The following SECISBP2 variants were observed in gnomAD, a reference collection of about 807,000 sequenced individuals.
SECISBP2 encodes SECIS binding protein 2, also known as selenocysteine insertion sequence-binding protein 2.
In SECISBP2, 96 loss-of-function variants were observed where a neutral mutation model predicts 98.2. The observed-to-expected ratio is 0.98, with a 90% CI of 0.83 to 1.16. SECISBP2 has a LOEUF of 1.16. Among genes scored for constraint, SECISBP2 ranks in the 50% most tolerant of loss-of-function variants. SECISBP2 has a pLI of 0.00. For synonymous variants in SECISBP2, 407 were observed against 370.2 expected, an observed-to-expected ratio of 1.10 and a Z score of -1.14; for missense variants, 1,046 against 1,022.9, an observed-to-expected ratio of 1.02 and a Z score of -0.31.
At chr9:89,350,061 C>A in intron 13 of SECISBP2, 132 bp downstream of exon 13, 1 of 1,054,210 alleles carries the variant, frequency 9.5e-7, no homozygotes, top group Non-Finnish European at 1.4e-6. Flanking sequence ...TTGAAAGAAG[C>A]TGGGTACCTG....
chr9:89,345,500 G>A lies in SECISBP2; in HGVS notation c.1436-1382G>A, dbSNP rs143960354. 2.5e-3 allele frequency among the ~76,000 whole-genome samples: 386 copies of A among 152,266 alleles called. 2 individuals carry two copies. The highest frequency in any genetic ancestry group is 8.8e-3 in the African/African-American group (366 of 41,550). Reference sequence around the variant, plus strand: ...TCATCTTAAGGAGTAAGCACTCTTCGGTTTGTTGGAACCCTTTGGTCACTT... The same window carrying A: ...TCATCTTAAGGAGTAAGCACTCTTCAGTTTGTTGGAACCCTTTGGTCACTT... On this transcript the variant is annotated intron_variant, in intron 10 of 16. Coordinates refer to ENST00000375807, the MANE Select transcript of SECISBP2 (RefSeq NM_024077.5).
chr9:89,338,505 AAAGAAT>A lies in SECISBP2; in HGVS notation c.1143_1148del (p.Asn381_Lys382del). On this transcript the variant is annotated inframe_deletion, in exon 8 of 17. Coordinates refer to ENST00000375807, the MANE Select transcript of SECISBP2 (RefSeq NM_024077.5). The stretch of plus-strand genomic sequence containing the variant: ...ACCTTGAACAAAATGAAGCCTCAAG[AAAGAAT>A]AAGAAAAAGAAAGAAAAATCTACAT... 6.2e-7 allele frequency: 1 copy of A among 1,613,554 alleles called. No homozygotes were observed. Among genetic ancestry groups the A allele is most frequent in the Non-Finnish European group, 8.5e-7 (1 of 1,179,866 alleles).
chr9:89,351,454 T>C (rs982972021), intron 14 of SECISBP2, among the ~76,000 whole-genome samples: 4 of 152,162 alleles, frequency 2.6e-5, no homozygotes, highest in African/African-American at 9.7e-5. Flanking sequence ...TGTTGTGTCC[T>C]CGAATTGAGC....
intron 14 of SECISBP2, chr9:89,355,060 G>A (rs1831862736): frequency 1.0e-6 from 1 of 985,270 alleles, no homozygotes; most frequent in African/African-American, 1.7e-5. Context: ...CAGGGGCAGG[G>A]TGTGGGCAGA....
intron 6 of SECISBP2, chr9:89,334,186 C>G (rs905950603): frequency 5.9e-6 from 7 of 1,184,922 alleles, no homozygotes; most frequent in Middle Eastern, 3.7e-4. Flanking sequence ...ATCTTTAGTT[C>G]GTTAATTCTG....
chr9:89,352,042 C>G (rs1431286773), intron 14 of SECISBP2, among the ~76,000 whole-genome samples: 1 of 152,194 alleles, frequency 6.6e-6, no homozygotes, highest in African/African-American at 2.4e-5. Context: ...GGCTTGTGAG[C>G]AACTGCTTCA....
chr9:89,319,379 A>G (rs552069689), intron 1 of SECISBP2, among the ~76,000 whole-genome samples: 1 of 152,250 alleles, frequency 6.6e-6, no homozygotes, highest in South Asian at 2.1e-4. Flanking sequence ...CCTTATTCCA[A>G]GATCTAAACT....
intron 9 of SECISBP2, 94 bp from the exon 10 acceptor site, chr9:89,341,253 T>A (rs1293368144): frequency 4.0e-6 from 5 of 1,257,066 alleles, no homozygotes; most frequent in Non-Finnish European, 5.6e-6. Context: ...ATAGTCTCAA[T>A]CTTTTTCATT....
chr9:89,324,882 C>T (rs2131584604), intron 2 of SECISBP2: 1 of 157,120 alleles, frequency 6.4e-6, no homozygotes, highest in Admixed American at 6.1e-5. Flanking sequence ...GAGGCAATAG[C>T]AACCTTCAAA....
intron 10 of SECISBP2, among the ~76,000 whole-genome samples, chr9:89,341,967 A>AT (rs1028818324): frequency 6.6e-6 from 1 of 152,218 alleles, no homozygotes; most frequent in African/African-American, 2.4e-5. Flanking sequence ...AAAATTAAAA[A>AT]TTTTTGCATA....
At chr9:89,367,051 G>A in the SECISBP2 span, 3,800 of 152,546 alleles carry the variant, frequency 0.025, 158 homozygotes, top group East Asian at 0.16. Flanking sequence ...ACTGCTAACA[G>A]GCATCAGTAA....
chr9:89,364,020 C>CA, downstream of SECISBP2: 1 of 1,612,806 alleles, frequency 6.2e-7, no homozygotes, highest in South Asian at 1.1e-5. Flanking sequence ...CATGAGGGTG[C>CA]AGGGGGGTTA....
downstream of SECISBP2, among the ~76,000 whole-genome samples, chr9:89,363,199 G>A (rs1832987938): frequency 6.6e-6 from 1 of 152,232 alleles, no homozygotes; most frequent in African/African-American, 2.4e-5. Context: ...CCTCCCTTCA[G>A]TCTCTTTTAA....
intron 14 of SECISBP2, among the ~76,000 whole-genome samples, chr9:89,352,129 G>A (rs1831366643): frequency 6.6e-6 from 1 of 152,174 alleles, no homozygotes; most frequent in African/African-American, 2.4e-5. Flanking sequence ...CTAATGTATA[G>A]TTTGGGTTAT....
intron 7 of SECISBP2, 58 bp downstream of exon 7, chr9:89,334,788 G>C (rs1197345111): frequency 1.6e-6 from 2 of 1,290,268 alleles, no homozygotes; most frequent in African/African-American, 2.9e-5. Context: ...CAGTAGAGTG[G>C]GGAATGAGAA....
chr9:89,339,858 A>G lies in SECISBP2; in HGVS notation c.1213-6A>G. On this transcript the variant is annotated splice_region_variant and splice_polypyrimidine_tract_variant and intron_variant, in intron 8 of 16. Coordinates refer to ENST00000375807, the MANE Select transcript of SECISBP2 (RefSeq NM_024077.5). ...AAAGAGCTAAAGGGGTGTGTGGTTTACTTAGGATGCCGAGGAATTTCCCAA... is the reference window on the plus strand; with the variant it reads ...AAAGAGCTAAAGGGGTGTGTGGTTTGCTTAGGATGCCGAGGAATTTCCCAA... 6.2e-7 allele frequency: 1 copy of G among 1,608,944 alleles called. No individual in the cohort carries two copies. Among genetic ancestry groups the G allele is most frequent in the Non-Finnish European group, 8.5e-7 (1 of 1,175,432 alleles).
chr9:89,346,131 G>C (rs1830384695), intron 10 of SECISBP2, among the ~76,000 whole-genome samples: 1 of 152,174 alleles, frequency 6.6e-6, no homozygotes, highest in Admixed American at 6.5e-5. Flanking sequence ...GACACAGGGG[G>C]TTTGTTTACC....
At chr9:89,355,260 A>G (rs1038875937) in intron 14 of SECISBP2, 77 of 985,330 alleles carry the variant, frequency 7.8e-5, no homozygotes, top group Non-Finnish European at 9.0e-5. Context: ...GTTGCTCCGT[A>G]AAGACTGGGT....
chr9:89,350,874 G>C, intron 14 of SECISBP2, 22 bp downstream of exon 14: 1 of 1,600,212 alleles, frequency 6.2e-7, no homozygotes, highest in Non-Finnish European at 8.6e-7. Flanking sequence ...GTGTGGTCCT[G>C]TGATATGTGG....
Sources: allele counts gnomAD v4.1 joint callset (sites outside exome capture counted in the v4.1 genomes callset), GRCh38; gene constraint gnomAD v4.1.1; transcripts MANE v1.5; gene names NCBI Gene and HGNC (gene_info 2026-07-23, HGNC 2026-07-21).